Variants in ZXDB observed in about 807,000 individuals in gnomAD.
The protein encoded by ZXDB is zinc finger X-linked protein ZXDB.
For synonymous variants in ZXDB, 273 were observed against 314.3 expected, an observed-to-expected ratio of 0.87 and a Z score of 1.39; for missense variants, 413 against 679.1, an observed-to-expected ratio of 0.61 and a Z score of 4.36.
rs780489125 is a variant in ZXDB at position 57,595,015 on chromosome X, T to C, written c.*555T>C. Reference sequence around the variant, plus strand: ...AGCAGACATCTGATCATTTTATCCATAAATATTCTTTATATATCTCTGAAA... The same window carrying C: ...AGCAGACATCTGATCATTTTATCCACAAATATTCTTTATATATCTCTGAAA... On this transcript the variant is annotated 3_prime_UTR_variant, in exon 1 of 1. Transcript: ENST00000374888. 8.9e-5 allele frequency: 11 copies of C among 123,545 alleles called. No individual in the cohort carries two copies. Among genetic ancestry groups the C allele is most frequent in the African/African-American group, 3.6e-4 (11 of 30,868 alleles). The allele number at this position is 123,545 out of a possible 1,213,427, so 10.2% of individuals were successfully genotyped here. A position where few individuals can be genotyped will look rare whatever the true frequency, so the allele number is the denominator to read the frequency against.
In ZXDB at chrX:57,595,354, C is replaced by T. The variant is rs2057908017; in HGVS notation, c.*894C>T. 6 of 123,027 alleles carry T rather than the reference C, an allele frequency of 4.9e-5. No homozygotes were observed. The allele number at this position is 123,027 out of a possible 1,213,427, so 10.1% of individuals were successfully genotyped here. On this transcript the variant is annotated 3_prime_UTR_variant, in exon 1 of 1. Coordinates refer to ENST00000374888, the MANE Select transcript of ZXDB (RefSeq NM_007157.4). ...TATGGTAATGTTTGCTTTCCTCTAT[C>T]CTCTGTTTCTTTAATTTGCTAGTTA...
chrX:57,593,257 A>C lies in ZXDB; in HGVS notation c.1209A>C (p.Thr403=). The C allele has an allele frequency of 8.3e-7, 1 of 1,211,882 alleles. No homozygotes were observed. The highest frequency in any genetic ancestry group is 3.0e-5 in the East Asian group (1 of 33,807). The part of the protein sequence containing the change: ...YQCAFSGCKK[T]FITVSALFSH... ...GCGCGTTTTCTGGCTGCAAGAAGAC[A>C]TTTATCACAGTGAGTGCTCTGTTTT... Residue 403 remains threonine (T), a synonymous_variant, in exon 1 of 1, where the codon ACA becomes ACC. Transcript: ENST00000374888.
rs748036487 is a variant in ZXDB at position 57,593,446 on chromosome X, T to C, written c.1398T>C (p.Thr466=). 61 of 1,209,799 alleles carry C rather than the reference T, an allele frequency of 5.0e-5. No individual in the cohort carries two copies. In the Middle Eastern group the frequency reaches 6.9e-4, roughly 14 times the overall value. The change falls in exon 1 of 1, where the codon ACT becomes ACC. Residue 466 remains threonine (T), a synonymous_variant. Coordinates refer to ENST00000374888, the MANE Select transcript of ZXDB (RefSeq NM_007157.4). The stretch of plus-strand genomic sequence containing the variant: ...TTGATGGCTGTGGCTGGAACTTCAC[T>C]AGCATGTCCAAACTCTTAAGGCACA... ...CDFDGCGWNF[T]SMSKLLRHKR...
rs2057912500 is a variant in ZXDB at position 57,596,926 on chromosome X, T to C, written c.*2466T>C. ...GAGCTTAGATAATACTATGTGTATA[T>C]GTGATTAAAATGAAGATTATTTTCT... On this transcript the variant is annotated 3_prime_UTR_variant, in exon 1 of 1. Transcript: ENST00000374888. 1 of 123,808 alleles carries C rather than the reference T, an allele frequency of 8.1e-6. No individual in the cohort carries two copies. The highest frequency in any genetic ancestry group is 1.9e-5 in the Non-Finnish European group (1 of 53,362). 10.2% of individuals were successfully genotyped at this position (123,808 alleles called of 1,213,427 possible). A position where few individuals can be genotyped will look rare whatever the true frequency, so the allele number is the denominator to read the frequency against.
In ZXDB at chrX:57,592,786, G is replaced by A. The variant is rs759411103; in HGVS notation, c.738G>A (p.Glu246=). 2 of 1,145,709 alleles carry A rather than the reference G, an allele frequency of 1.7e-6. No homozygotes were observed. Among genetic ancestry groups the A allele is most frequent in the Admixed American group, 5.7e-5 (2 of 34,919 alleles). The allele number at this position is 1,145,709 out of a possible 1,213,427, so 94.4% of individuals were successfully genotyped here. ...PAEPAPAPAP[E]EEAEGPAAAL... ...AACCCGCGCCAGCTCCGGCGCCTGA[G>A]GAGGAGGCGGAGGGCCCGGCCGCCG... Residue 246 remains glutamate, a synonymous_variant, in exon 1 of 1, where the codon GAG becomes GAA. Transcript: ENST00000374888.
rs749468855 is a variant in ZXDB at position 57,592,482 on chromosome X, G to A, written c.434G>A (p.Arg145His). ...GCGGGGCCCACTGCGCTAGGCCCCCGCTGCCTGTCCGCGGTTCCCACTCCG... is the reference window on the plus strand; with the variant it reads ...GCGGGGCCCACTGCGCTAGGCCCCCACTGCCTGTCCGCGGTTCCCACTCCG... ...NPAGPTALGPRCLSAVPTPAP... is the reference protein window; with the variant it reads ...NPAGPTALGPHCLSAVPTPAP... The change falls in exon 1 of 1, where the codon CGC becomes CAC. Residue 145 changes from arginine to histidine, a missense_variant. Transcript: ENST00000374888. 2.3e-4 allele frequency: 270 copies of A among 1,180,470 alleles called. No homozygotes were observed. The highest frequency in any genetic ancestry group is 2.5e-4 in the Non-Finnish European group (224 of 882,030).
chrX:57,596,650 C>A lies in ZXDB; in HGVS notation c.*2190C>A, dbSNP rs975991838. 12 of 122,987 alleles carry A rather than the reference C, an allele frequency of 9.8e-5. No homozygotes were observed. The highest frequency in any genetic ancestry group is 1.7e-4 in the Non-Finnish European group (9 of 53,138). The allele number at this position is 122,987 out of a possible 1,213,427, so 10.1% of individuals were successfully genotyped here. ...ACCCATCCAGCCTTCATGATTCATT[C>A]CTGTGTCAAGGTTAGTCGCTGTTTT... On this transcript the variant is annotated 3_prime_UTR_variant, in exon 1 of 1. Coordinates refer to ENST00000374888, the MANE Select transcript of ZXDB (RefSeq NM_007157.4).
rs2057894364 is a variant in ZXDB at position 57,592,208 on chromosome X, G to T, written c.160G>T (p.Gly54Trp). ...LLLLRGPQDG[G>W]PGRRREEAST... Reference sequence around the variant, plus strand: ...GCTGCTCCGGGGCCCCCAAGATGGCGGGCCCGGGCGGCGGCGCGAGGAGGC... The same window carrying T: ...GCTGCTCCGGGGCCCCCAAGATGGCTGGCCCGGGCGGCGGCGCGAGGAGGC... Residue 54 changes from glycine (G) to tryptophan (W), a missense_variant, in exon 1 of 1, where the codon GGG becomes TGG. Physicochemically the swap from Gly to Trp is radical, Grantham distance 184 (BLOSUM62 -2). Transcript: ENST00000374888. 1 of 1,067,902 alleles carries T rather than the reference G, an allele frequency of 9.4e-7. No individual in the cohort carries two copies. Among genetic ancestry groups the T allele is most frequent in the South Asian group, 2.6e-5 (1 of 39,158 alleles). 88.0% of individuals were successfully genotyped at this position (1,067,902 alleles called of 1,213,427 possible).
In ZXDB at chrX:57,592,248, G is replaced by C. The variant is rs758842956; in HGVS notation, c.200G>C (p.Arg67Pro). The C allele has an allele frequency of 6.0e-6, 7 of 1,159,051 alleles. No homozygotes were observed. Among genetic ancestry groups the C allele is most frequent in the Admixed American group, 5.0e-5 (2 of 40,306 alleles). ...RRREEASTAS[R>P]GPGPSLLAPR... ...CGCGAGGAGGCCAGCACGGCATCAC[G>C]GGGCCCTGGCCCAAGCCTGTTGGCG... The change falls in exon 1 of 1, where the codon CGG (arginine) becomes CCG (proline). Residue 67 changes from arginine (R) to proline (P), a missense_variant. By Grantham distance (103) the Arg-to-Pro change is moderately radical. Transcript: ENST00000374888.
chrX:57,592,514 A>G lies in ZXDB; in HGVS notation c.466A>G (p.Ile156Val), dbSNP rs1233520576. ...CLSAVPTPAP[I>V]SAPGPAAAFA... is the part of the protein sequence containing the mutation. ...GTCCGCGGTTCCCACTCCGGCCCCGATCTCCGCCCCCGGCCCCGCCGCGGC... is the reference window on the plus strand; with the variant it reads ...GTCCGCGGTTCCCACTCCGGCCCCGGTCTCCGCCCCCGGCCCCGCCGCGGC... The change falls in exon 1 of 1, where the codon ATC (isoleucine) becomes GTC (valine). Residue 156 changes from isoleucine to valine, a missense_variant. Coordinates refer to ENST00000374888, the MANE Select transcript of ZXDB (RefSeq NM_007157.4). The G allele has an allele frequency of 8.5e-7, 1 of 1,183,168 alleles. No homozygotes were observed. Among genetic ancestry groups the G allele is most frequent in the African/African-American group, 1.8e-5 (1 of 54,960 alleles).
chrX:57,592,830 C>A lies in ZXDB; in HGVS notation c.782C>A (p.Pro261Gln), dbSNP rs367870221. 2.6e-6 allele frequency: 3 copies of A among 1,156,001 alleles called. No homozygotes were observed. Among genetic ancestry groups the A allele is most frequent in the Admixed American group, 5.6e-5 (2 of 36,002 alleles). The change falls in exon 1 of 1, where the codon CCG becomes CAG. Residue 261 changes from proline to glutamine, a missense_variant. Pro to Gln is a moderately conservative substitution (Grantham distance 76). Transcript: ENST00000374888. Reference protein sequence around the residue: ...GPAAALGPRGPLGSGPGVVLY... With the variant: ...GPAAALGPRGQLGSGPGVVLY... Reference sequence around the variant, plus strand: ...GCCGCCGCCCTGGGCCCCCGCGGACCGCTGGGCTCCGGCCCAGGCGTGGTG... The same window carrying A: ...GCCGCCGCCCTGGGCCCCCGCGGACAGCTGGGCTCCGGCCCAGGCGTGGTG...
Position 57,592,221 on chromosome X carries a change from G to C in ZXDB, c.173G>C (p.Arg58Pro), listed in dbSNP as rs1056643927. 28 of 1,085,179 alleles carry C rather than the reference G, an allele frequency of 2.6e-5. No individual in the cohort carries two copies. Among genetic ancestry groups the C allele is most frequent in the Non-Finnish European group, 3.0e-5 (25 of 841,954 alleles). 89.4% of individuals were successfully genotyped at this position (1,085,179 alleles called of 1,213,427 possible). ...RGPQDGGPGR[R>P]REEASTASRG... ...CCCCAAGATGGCGGGCCCGGGCGGC[G>C]GCGCGAGGAGGCCAGCACGGCATCA... is the stretch of plus-strand genomic sequence containing the variant. The change falls in exon 1 of 1, where the codon CGG (arginine) becomes CCG (proline). Residue 58 changes from arginine to proline, a missense_variant. By Grantham distance (103) the Arg-to-Pro change is moderately radical. Coordinates refer to ENST00000374888, the MANE Select transcript of ZXDB (RefSeq NM_007157.4).
In ZXDB at chrX:57,594,139, G is replaced by A. The variant is rs1008056213; in HGVS notation, c.2091G>A (p.Glu697=). ...GFQQSSLNMD[E]VSSVSVGPLG... is the part of the protein sequence containing the mutation. The stretch of plus-strand genomic sequence containing the variant: ...AGCAGAGCTCCTTAAATATGGATGA[G>A]GTCTCAAGTGTAAGTGTGGGGCCAT... The change falls in exon 1 of 1, where the codon GAG becomes GAA. Residue 697 remains glutamate, a synonymous_variant. Transcript: ENST00000374888. The A allele has an allele frequency of 5.9e-6, 7 of 1,191,072 alleles. No homozygotes were observed. The highest frequency in any genetic ancestry group is 2.3e-5 in the Admixed American group (1 of 44,166).
Position 57,597,269 on chromosome X carries a change from G to A in ZXDB, c.*2809G>A, listed in dbSNP as rs1292614942. On this transcript the variant is annotated 3_prime_UTR_variant, in exon 1 of 1. Coordinates refer to ENST00000374888, the MANE Select transcript of ZXDB (RefSeq NM_007157.4). The stretch of plus-strand genomic sequence containing the variant: ...ATGTACTTCTGTAAATCAGATAAAT[G>A]CTTGGAATTTGATTGTCTACCCAAT... 1 of 123,222 alleles carries A rather than the reference G, an allele frequency of 8.1e-6. No individual in the cohort carries two copies. The highest frequency in any genetic ancestry group is 1.9e-5 in the Non-Finnish European group (1 of 53,199). 10.2% of individuals were successfully genotyped at this position (123,222 alleles called of 1,213,427 possible).
chrX:57,592,738 C>T lies in ZXDB; in HGVS notation c.690C>T (p.Asp230=). Residue 230 remains aspartate, a synonymous_variant, in exon 1 of 1, where the codon GAC becomes GAT. Transcript: ENST00000374888. ...HPGDCPELPP[D]LLLAEPAEPA... is the part of the protein sequence containing the mutation. ...GTGACTGCCCAGAGCTGCCGCCAGA[C>T]CTCCTGCTAGCTGAGCCGGCCGAAC... 8.6e-7 allele frequency: 1 copy of T among 1,167,491 alleles called. No homozygotes were observed. Among genetic ancestry groups the T allele is most frequent in the Non-Finnish European group, 1.1e-6 (1 of 876,729 alleles).
In ZXDB at chrX:57,596,909, A is replaced by G. The variant is rs1336493929; in HGVS notation, c.*2449A>G. On this transcript the variant is annotated 3_prime_UTR_variant, in exon 1 of 1. Coordinates refer to ENST00000374888, the MANE Select transcript of ZXDB (RefSeq NM_007157.4). ...GGAAGAAGTTATTTTCTGAGCTTAG[A>G]TAATACTATGTGTATATGTGATTAA... 8.1e-6 allele frequency: 1 copy of G among 123,878 alleles called. No individual in the cohort carries two copies. Among genetic ancestry groups the G allele is most frequent in the Non-Finnish European group, 1.9e-5 (1 of 53,357 alleles). 10.2% of individuals were successfully genotyped at this position (123,878 alleles called of 1,213,427 possible). A position where few individuals can be genotyped will look rare whatever the true frequency, so the allele number is the denominator to read the frequency against.
Position 57,592,744 on chromosome X carries a change from G to T in ZXDB, c.696G>T (p.Leu232=). The stretch of plus-strand genomic sequence containing the variant: ...GCCCAGAGCTGCCGCCAGACCTCCT[G>T]CTAGCTGAGCCGGCCGAACCCGCGC... ...GDCPELPPDL[L]LAEPAEPAPA... The change falls in exon 1 of 1, where the codon CTG becomes CTT. Residue 232 remains leucine (L), a synonymous_variant. Coordinates refer to ENST00000374888, the MANE Select transcript of ZXDB (RefSeq NM_007157.4). 6.0e-6 allele frequency: 7 copies of T among 1,162,427 alleles called. No individual in the cohort carries two copies. The highest frequency in any genetic ancestry group is 8.0e-6 in the Non-Finnish European group (7 of 874,315).
Position 57,592,267 on chromosome X carries a change from G to A in ZXDB, c.219G>A (p.Leu73=), listed in dbSNP as rs1024332612. 5.1e-6 allele frequency: 6 copies of A among 1,177,053 alleles called. No homozygotes were observed. Among genetic ancestry groups the A allele is most frequent in the Non-Finnish European group, 6.8e-6 (6 of 883,160 alleles). The change falls in exon 1 of 1, where the codon CTG becomes CTA. Residue 73 remains leucine (L), a synonymous_variant. Transcript: ENST00000374888. ...CATCACGGGGCCCTGGCCCAAGCCT[G>A]TTGGCGCCGAGGACCGATCAACCTA... ...STASRGPGPS[L]LAPRTDQPSG...
rs1013431701 is a variant in ZXDB, at chrX:57,595,124, A to G, written c.*664A>G. On this transcript the variant is annotated 3_prime_UTR_variant, in exon 1 of 1. Coordinates refer to ENST00000374888, the MANE Select transcript of ZXDB (RefSeq NM_007157.4). ...AATTCTTTAATATCAGTAAATATCCAGTGAGGGTTCAAACTTCCAATTGCC... is the reference window on the plus strand; with the variant it reads ...AATTCTTTAATATCAGTAAATATCCGGTGAGGGTTCAAACTTCCAATTGCC... The G allele has an allele frequency of 1.6e-5, 2 of 123,587 alleles. No individual in the cohort carries two copies. The highest frequency in any genetic ancestry group is 3.8e-5 in the Non-Finnish European group (2 of 53,326). The allele number at this position is 123,587 out of a possible 1,213,427, so 10.2% of individuals were successfully genotyped here.
Sources: allele counts gnomAD v4.1 joint callset, GRCh38; gene constraint gnomAD v4.1.1; transcripts MANE v1.5; gene names NCBI Gene and HGNC (gene_info 2026-07-23, HGNC 2026-07-21).